SNX24: variants seen among roughly 807,000 people sequenced by gnomAD.
SNX24 encodes sorting nexin 24.
SNX24 carries 22 observed loss-of-function variants against 28.7 expected under a neutral mutation model. That is an observed-to-expected ratio of 0.77 (90% CI 0.55 to 1.10). The LOEUF (loss-of-function observed/expected upper bound fraction) is 1.10. Among genes scored for constraint, SNX24 ranks in the 50% least tolerant of loss-of-function variants. The pLI, the probability that SNX24 is intolerant of heterozygous loss-of-function variation, is 0.00. For missense variants in SNX24, 221 were observed against 201.1 expected, an observed-to-expected ratio of 1.10 and a Z score of -0.60; for synonymous variants, 69 against 71.5, an observed-to-expected ratio of 0.96 and a Z score of 0.18.
At chr5:122,956,811 T>C (rs2150134787) in intron 3 of SNX24, among the ~76,000 whole-genome samples, 1 of 152,310 alleles carries the variant, frequency 6.6e-6, no homozygotes, top group African/African-American at 2.4e-5. Flanking sequence ...TTTCATGTGC[T>C]TATTGGCCAT....
chr5:122,867,889 T>C (rs1160518706), intron 1 of SNX24, among the ~76,000 whole-genome samples: 1 of 152,228 alleles, frequency 6.6e-6, no homozygotes, highest in East Asian at 1.9e-4. Context: ...ATTCAGACCA[T>C]TGGCCACAGC....
chr5:122,864,186 C>T (rs1216662923), intron 1 of SNX24, among the ~76,000 whole-genome samples: 1 of 151,828 alleles, frequency 6.6e-6, no homozygotes, highest in African/African-American at 2.4e-5. Context: ...CTATAGTATC[C>T]CAAGTAAAAG....
intron 1 of SNX24, among the ~76,000 whole-genome samples, chr5:122,926,071 A>G (rs1758682340): frequency 6.6e-6 from 1 of 152,226 alleles, no homozygotes; most frequent in Admixed American, 6.5e-5. Flanking sequence ...GAAGAAAAGT[A>G]AAGCCAGGTC....
intron 1 of SNX24, among the ~76,000 whole-genome samples, chr5:122,902,119 C>T (rs1454083601): frequency 6.6e-6 from 1 of 152,230 alleles, no homozygotes; most frequent in Non-Finnish European, 1.5e-5. Context: ...TCACACTCCT[C>T]CTTGTTCACC....
At chr5:123,007,650 T>C (rs757475449) in intron 6 of SNX24, 32 bp from the exon 7 acceptor site, 2 of 1,549,170 alleles carry the variant, frequency 1.3e-6, no homozygotes, top group South Asian at 1.2e-5. Flanking sequence ...CAGTTTTTCT[T>C]TTTTTTTTCT....
intron 1 of SNX24, among the ~76,000 whole-genome samples, chr5:122,870,169 A>T (rs1328974657): frequency 1.3e-5 from 2 of 152,242 alleles, no homozygotes; most frequent in Non-Finnish European, 2.9e-5. Flanking sequence ...CATATAATTC[A>T]GAACTTTAGA....
At chr5:122,943,371 C>T (rs948027363) in intron 2 of SNX24, among the ~76,000 whole-genome samples, 19 of 152,174 alleles carry the variant, frequency 1.2e-4, no homozygotes, top group Non-Finnish European at 2.4e-4. Flanking sequence ...TACTTCCCCA[C>T]TGCCCTTCTC....
At chr5:122,959,419 A>C (rs924419366) in intron 3 of SNX24, among the ~76,000 whole-genome samples, 7 of 151,092 alleles carry the variant, frequency 4.6e-5, no homozygotes, top group African/African-American at 1.7e-4. Flanking sequence ...TATTAGAGAC[A>C]AGACAAGGTC....
intron 1 of SNX24, among the ~76,000 whole-genome samples, chr5:122,915,152 C>T (rs77715321): frequency 0.028 from 4,245 of 152,238 alleles, 75 homozygotes; most frequent in Middle Eastern, 0.054. Flanking sequence ...AACTTACTGC[C>T]AAGTGCTGTT....
chr5:122,857,098 G>C (rs904246513), intron 1 of SNX24, among the ~76,000 whole-genome samples: 2 of 151,612 alleles, frequency 1.3e-5, no homozygotes, highest in Non-Finnish European at 2.9e-5. Flanking sequence ...CACAACCTCC[G>C]CCTCCCGGGT....
intron 1 of SNX24, among the ~76,000 whole-genome samples, chr5:122,907,763 CAA>C (rs1186654962): frequency 6.6e-6 from 1 of 152,038 alleles, no homozygotes; most frequent in Non-Finnish European, 1.5e-5. Flanking sequence ...AATTGTATCT[CAA>C]GTTATCAATT....
chr5:122,869,996 A>G (rs2150050689), intron 1 of SNX24, among the ~76,000 whole-genome samples: 1 of 152,268 alleles, frequency 6.6e-6, no homozygotes, highest in South Asian at 2.1e-4. Flanking sequence ...AGTAGTACAA[A>G]GTAGTATAAC....
At chr5:122,904,236 G>T (rs6886760) in intron 1 of SNX24, among the ~76,000 whole-genome samples, 46 of 151,942 alleles carry the variant, frequency 3.0e-4, no homozygotes, top group African/African-American at 1.1e-3. Context: ...AGGCTGGAGT[G>T]CAATGGCACA....
At chr5:122,950,955 A>C (rs1581788136) in intron 3 of SNX24, among the ~76,000 whole-genome samples, 1 of 152,252 alleles carries the variant, frequency 6.6e-6, no homozygotes, top group African/African-American at 2.4e-5. Context: ...TCTTTCCTAG[A>C]TAGATAAAGC....
intron 1 of SNX24, among the ~76,000 whole-genome samples, chr5:122,876,723 T>C (rs138529207): frequency 1.0e-3 from 159 of 152,306 alleles, no homozygotes; most frequent in African/African-American, 3.7e-3. Flanking sequence ...TAGCTTGTTT[T>C]GAATGGAGAT....
At chr5:122,969,144 A>G (rs1760842614) in intron 3 of SNX24, among the ~76,000 whole-genome samples, 1 of 152,114 alleles carries the variant, frequency 6.6e-6, no homozygotes, top group Non-Finnish European at 1.5e-5. Context: ...CTTTTTGTTT[A>G]TAATTTATTT....
chr5:122,876,520 G>A (rs930575099), intron 1 of SNX24, among the ~76,000 whole-genome samples: 2 of 152,166 alleles, frequency 1.3e-5, no homozygotes, highest in Non-Finnish European at 2.9e-5. Flanking sequence ...TTGAAGCAAA[G>A]CGTTTATGTT....
downstream of SNX24, among the ~76,000 whole-genome samples, chr5:123,009,586 A>G (rs1762523390): frequency 6.6e-6 from 1 of 152,254 alleles, no homozygotes; most frequent in South Asian, 2.1e-4. Flanking sequence ...TGCAGGAGGC[A>G]CACCTCACAA....
chr5:122,915,921 G>C (rs1332474272), intron 1 of SNX24, among the ~76,000 whole-genome samples: 1 of 152,208 alleles, frequency 6.6e-6, no homozygotes, highest in Non-Finnish European at 1.5e-5. Context: ...CTTCAGGCCT[G>C]TTTCGTCATG....
Sources: allele counts gnomAD v4.1 joint callset (sites outside exome capture counted in the v4.1 genomes callset), GRCh38; gene constraint gnomAD v4.1.1; transcripts MANE v1.5; gene names NCBI Gene and HGNC (gene_info 2026-07-23, HGNC 2026-07-21).